Variants in SMAD2 observed in about 807,000 individuals in gnomAD.
The protein encoded by SMAD2 is MAD homolog 2.
SMAD2 carries 8 observed loss-of-function variants against 64.4 expected under a neutral mutation model. The ratio of observed to expected loss-of-function variants is 0.12; its 90% CI spans 0.07 to 0.22. The LOEUF (loss-of-function observed/expected upper bound fraction) is 0.22, where lower values mean the gene tolerates loss of function less well. SMAD2 is among the 10% of genes least tolerant of loss of function. The pLI is 1.00. For synonymous variants in SMAD2, 203 were observed against 195.8 expected (o/e 1.04, Z -0.31); for missense variants, 289 against 561.2 (o/e 0.51, Z 4.90).
chr18:47,914,474 G>C (rs1188894597), intron 1 of SMAD2, among the ~76,000 whole-genome samples: 1 of 152,122 alleles, frequency 6.6e-6, no homozygotes, highest in Non-Finnish European at 1.5e-5. Flanking sequence ...ATACCCTGAC[G>C]TAATACAGAG....
rs1048724364 is a variant in SMAD2, at chr18:47,825,764, G to C, written c.*16063C>G. 2.0e-5 allele frequency: 3 copies of C among 152,196 alleles called. No homozygotes were observed. Among genetic ancestry groups the C allele is most frequent in the African/African-American group, 7.2e-5 (3 of 41,428 alleles). The allele number at this position is 152,196 out of a possible 1,614,324, so 9.4% of individuals were successfully genotyped here. A position where few individuals can be genotyped will look rare whatever the true frequency, so the allele number is the denominator to read the frequency against. ...AGCAGAAACTTGACTCTCCGGGCAA[G>C]ATAACTGTTGTCTTTTTAAAATTTC... On this transcript the variant is annotated 3_prime_UTR_variant, in exon 11 of 11. Coordinates refer to ENST00000262160, the MANE Select transcript of SMAD2 (RefSeq NM_005901.6).
chr18:47,860,959 T>C (rs933928932), intron 6 of SMAD2, among the ~76,000 whole-genome samples: 6 of 152,192 alleles, frequency 3.9e-5, no homozygotes, highest in Admixed American at 2.6e-4. Context: ...GTTCTTCCTA[T>C]AATCAGAACA....
In SMAD2 at chr18:47,840,656, T is replaced by C. The variant is rs922341919; in HGVS notation, c.*1171A>G. ...CCTACCTCAGCATCACTTTTCTAGG[T>C]ATTTTGCAGAAACAATTACATTTAC... On this transcript the variant is annotated 3_prime_UTR_variant, in exon 11 of 11. Coordinates refer to ENST00000262160, the MANE Select transcript of SMAD2 (RefSeq NM_005901.6). 4 of 231,640 alleles carry C rather than the reference T, an allele frequency of 1.7e-5. No homozygotes were observed. The highest frequency in any genetic ancestry group is 8.8e-5 in the African/African-American group (4 of 45,268). The allele number at this position is 231,640 out of a possible 1,614,324, so 14.3% of individuals were successfully genotyped here.
At chr18:47,900,933 A>C (rs779053858) in intron 1 of SMAD2, among the ~76,000 whole-genome samples, 25 of 152,286 alleles carry the variant, frequency 1.6e-4, no homozygotes, top group South Asian at 1.0e-3. Context: ...CAACATATTC[A>C]ATTATTAAAA....
In SMAD2 at chr18:47,817,180, C is replaced by G. The variant is rs1051019593; in HGVS notation, c.*24647G>C. ...GTAGAACCTGAAGTAGGACACATTT[C>G]AGAGAGAAGTGGTGATCTCAGAATC... is the stretch of plus-strand genomic sequence containing the variant. On this transcript the variant is annotated 3_prime_UTR_variant, in exon 11 of 11. Coordinates refer to ENST00000262160, the MANE Select transcript of SMAD2 (RefSeq NM_005901.6). The G allele has an allele frequency of 2.0e-4, 30 of 152,362 alleles. No individual in the cohort carries two copies. The highest frequency in any genetic ancestry group is 7.2e-4 in the African/African-American group (30 of 41,582). The allele number at this position is 152,362 out of a possible 1,614,324, so 9.4% of individuals were successfully genotyped here. A position where few individuals can be genotyped will look rare whatever the true frequency, so the allele number is the denominator to read the frequency against.
intron 6 of SMAD2, among the ~76,000 whole-genome samples, chr18:47,863,744 C>A (rs1295951165): frequency 6.6e-6 from 1 of 152,122 alleles, no homozygotes; most frequent in Non-Finnish European, 1.5e-5. Flanking sequence ...AAGAATAATG[C>A]CTGCATAAAT....
rs889064356 is a variant in SMAD2, at chr18:47,869,258, T to G, written c.505A>C (p.Arg169=). Residue 169 remains arginine, a synonymous_variant, in exon 4 of 11, where the codon AGA becomes CGA. Coordinates refer to ENST00000262160, the MANE Select transcript of SMAD2 (RefSeq NM_005901.6). Reference sequence around the variant, plus strand: ...ATATTCCTACCTGGTGTCTCAACTCTCTGATAGTGGTAAGGGTTTACACAT... The same window carrying G: ...ATATTCCTACCTGGTGTCTCAACTCGCTGATAGTGGTAAGGGTTTACACAT... ...EVCVNPYHYQ[R]VETPVLPPVL... 4.3e-6 allele frequency: 7 copies of G among 1,613,190 alleles called. No individual in the cohort carries two copies. In the African/African-American group the frequency reaches 8.0e-5, roughly 18 times the overall value.
chr18:47,856,965 C>T (rs2144337527), intron 6 of SMAD2, among the ~76,000 whole-genome samples: 1 of 147,208 alleles, frequency 6.8e-6, no homozygotes, highest in Non-Finnish European at 1.5e-5. Flanking sequence ...TCACACCATT[C>T]TCCTGCCTCA....
rs1021788397 is a variant in SMAD2, at chr18:47,838,339, G to A, written c.*3488C>T. 1 of 233,198 alleles carries A rather than the reference G, an allele frequency of 4.3e-6. No individual in the cohort carries two copies. Among genetic ancestry groups the A allele is most frequent in the East Asian group, 6.0e-5 (1 of 16,666 alleles). 14.4% of individuals were successfully genotyped at this position (233,198 alleles called of 1,614,324 possible). A position where few individuals can be genotyped will look rare whatever the true frequency, so the allele number is the denominator to read the frequency against. ...AAAATTTAGCTTTCAAGAAAAATTA[G>A]GCAGATTTCCTTCTGCCAAAGTGAC... is the stretch of plus-strand genomic sequence containing the variant. On this transcript the variant is annotated 3_prime_UTR_variant, in exon 11 of 11. Coordinates refer to ENST00000262160, the MANE Select transcript of SMAD2 (RefSeq NM_005901.6).
chr18:47,850,578 A>G (rs1341333056), intron 7 of SMAD2, among the ~76,000 whole-genome samples: 57 of 42,008 alleles, frequency 1.4e-3, no homozygotes, highest in Non-Finnish European at 1.5e-3. Context: ...TATATTATAT[A>G]TTATATATAT....
At chr18:47,914,971 G>T (rs903137755) in intron 1 of SMAD2, among the ~76,000 whole-genome samples, 7 of 152,028 alleles carry the variant, frequency 4.6e-5, no homozygotes, top group African/African-American at 1.7e-4. Flanking sequence ...CTATTGATAA[G>T]TTGCATATTT....
chr18:47,850,899 G>A (rs566928959), intron 7 of SMAD2, among the ~76,000 whole-genome samples: 110 of 89,010 alleles, frequency 1.2e-3, no homozygotes, highest in Non-Finnish European at 1.7e-3. Flanking sequence ...CCCATACTAC[G>A]TATACATGTA....
rs1306546985 is a variant in SMAD2, at chr18:47,836,965, A to C, written c.*4862T>G. ...TGACTACCTCTGGAGACCACACACT[A>C]TCATTATTCTGACTGTCTTAAATAC... On this transcript the variant is annotated 3_prime_UTR_variant, in exon 11 of 11. Coordinates refer to ENST00000262160, the MANE Select transcript of SMAD2 (RefSeq NM_005901.6). 1 of 211,942 alleles carries C rather than the reference A, an allele frequency of 4.7e-6. No individual in the cohort carries two copies. The highest frequency in any genetic ancestry group is 2.3e-5 in the African/African-American group (1 of 44,212). 13.1% of individuals were successfully genotyped at this position (211,942 alleles called of 1,614,324 possible).
chr18:47,912,194 CTG>C (rs1285189591), intron 1 of SMAD2: 4 of 152,168 alleles, frequency 2.6e-5, no homozygotes, highest in Middle Eastern at 3.2e-3. Flanking sequence ...ACAGGAAGCA[CTG>C]TGGCAGAAGA....
At chr18:47,861,520 G>A (rs866629925) in intron 6 of SMAD2, among the ~76,000 whole-genome samples, 3 of 152,016 alleles carry the variant, frequency 2.0e-5, no homozygotes, top group Admixed American at 6.6e-5. Flanking sequence ...AAACAAAAAC[G>A]TATAACAGCA....
At chr18:47,855,799 G>A (rs1296688220) in intron 6 of SMAD2, among the ~76,000 whole-genome samples, 2 of 151,940 alleles carry the variant, frequency 1.3e-5, no homozygotes, top group African/African-American at 2.4e-5. Context: ...TTTCAGTTTT[G>A]TTTTTTAATT....
chr18:47,839,040 GC>G lies in SMAD2; in HGVS notation c.*2786del, dbSNP rs1913695706. 3 of 232,446 alleles carry G rather than the reference GC, an allele frequency of 1.3e-5. No homozygotes were observed. The highest frequency in any genetic ancestry group is 6.7e-5 in the African/African-American group (3 of 45,074). 14.4% of individuals were successfully genotyped at this position (232,446 alleles called of 1,614,324 possible). A position where few individuals can be genotyped will look rare whatever the true frequency, so the allele number is the denominator to read the frequency against. On this transcript the variant is annotated 3_prime_UTR_variant, in exon 11 of 11. Transcript: ENST00000262160. ...GGGCAGAAAACAAAAAAAAAATCAG[GC>G]CACAGTAGATAAAATACAAAAAACA...
intron 2 of SMAD2, among the ~76,000 whole-genome samples, chr18:47,893,225 A>C (rs553236094): frequency 6.6e-6 from 1 of 152,230 alleles, no homozygotes; most frequent in Non-Finnish European, 1.5e-5. Context: ...AGGGAGCGAC[A>C]GTGACGTATC....
intron 2 of SMAD2, among the ~76,000 whole-genome samples, chr18:47,874,851 T>C (rs1398466211): frequency 3.9e-5 from 6 of 152,174 alleles, no homozygotes; most frequent in African/African-American, 1.2e-4. Context: ...TAAACATACG[T>C]ATTTTTGAGC....
Sources: gnomAD v4.1 joint callset for allele counts (sites outside exome capture counted in the v4.1 genomes callset) on GRCh38, gnomAD v4.1.1 for gene constraint, MANE v1.5 for transcripts, NCBI Gene and HGNC (gene_info 2026-07-23, HGNC 2026-07-21) for gene names.